CDC14A: variants seen among roughly 807,000 people sequenced by gnomAD.
The protein encoded by CDC14A is dual specificity protein phosphatase CDC14A.
Under a neutral mutation model 74.4 loss-of-function variants are expected in CDC14A, and 53 were observed. The observed-to-expected ratio is 0.71, with a 90% CI of 0.57 to 0.89. CDC14A has a LOEUF of 0.89. Ranked by LOEUF, CDC14A falls within the 40% of genes least tolerant of loss-of-function variation. The probability of loss-of-function intolerance (pLI) is 0.00; values close to 1 mark genes in which losing one functional copy is unlikely to be tolerated. For missense variants in CDC14A, 646 were observed against 713.7 expected, an observed-to-expected ratio of 0.91 and a Z score of 1.08; for synonymous variants, 247 against 258.4, an observed-to-expected ratio of 0.96 and a Z score of 0.43.
At chr1:100,487,229 A>G (rs917261505) in intron 11 of CDC14A, among the ~76,000 whole-genome samples, 112 of 152,218 alleles carry the variant, frequency 7.4e-4, no homozygotes, top group African/African-American at 2.6e-3. Flanking sequence ...ATTAGTTACT[A>G]GGAAGCTCTG....
At chr1:100,438,894 G>A (rs1664620692) in intron 5 of CDC14A, among the ~76,000 whole-genome samples, 1 of 152,170 alleles carries the variant, frequency 6.6e-6, no homozygotes, top group African/African-American at 2.4e-5. Context: ...CCTGATGGCT[G>A]CCATATGTGC....
At chr1:100,490,104 C>T (rs1670466760) in intron 11 of CDC14A, among the ~76,000 whole-genome samples, 1 of 152,202 alleles carries the variant, frequency 6.6e-6, no homozygotes, top group African/African-American at 2.4e-5. Context: ...ATTTGTGCCA[C>T]ACAATATCTG....
chr1:100,416,718 G>T (rs1339036117), intron 4 of CDC14A, among the ~76,000 whole-genome samples: 1 of 152,098 alleles, frequency 6.6e-6, no homozygotes, highest in Admixed American at 6.5e-5. Flanking sequence ...TCTCCTTTTT[G>T]TTGTCCCTTG....
chr1:100,414,056 T>C (rs1661208236), intron 4 of CDC14A, among the ~76,000 whole-genome samples: 1 of 152,222 alleles, frequency 6.6e-6, no homozygotes, highest in South Asian at 2.1e-4. Flanking sequence ...TCTACTACAT[T>C]TTATTTTAGA....
intron 4 of CDC14A, chr1:100,393,466 A>G: frequency 5.2e-6 from 4 of 774,140 alleles, no homozygotes; most frequent in Non-Finnish European, 9.6e-6. Context: ...ATACTGAGCA[A>G]TTCAGTTGGT....
At chr1:100,445,461 A>C (rs1252663499) in intron 7 of CDC14A, among the ~76,000 whole-genome samples, 2 of 152,214 alleles carry the variant, frequency 1.3e-5, no homozygotes, top group African/African-American at 4.8e-5. Flanking sequence ...TGAAGAATGC[A>C]AATGGCCCAT....
chr1:100,373,418 A>G (rs1371513106), intron 2 of CDC14A, among the ~76,000 whole-genome samples: 2 of 152,244 alleles, frequency 1.3e-5, no homozygotes, highest in African/African-American at 4.8e-5. Context: ...AACAGATACA[A>G]TAATAATGAA....
chr1:100,504,305 T>C (rs905906650), intron 15 of CDC14A, among the ~76,000 whole-genome samples: 3 of 152,220 alleles, frequency 2.0e-5, no homozygotes, highest in Non-Finnish European at 2.9e-5. Context: ...TTGTAGGTAA[T>C]GTCAGTGGTG....
At chr1:100,425,210 C>T (rs577246617) in intron 5 of CDC14A, among the ~76,000 whole-genome samples, 3 of 152,216 alleles carry the variant, frequency 2.0e-5, no homozygotes, top group Non-Finnish European at 2.9e-5. Flanking sequence ...AGGGACCATA[C>T]ATCAAAACTC....
intron 9 of CDC14A, among the ~76,000 whole-genome samples, 156 bp from the exon 10 acceptor site, chr1:100,467,800 A>T (rs1667996378): frequency 6.6e-6 from 1 of 152,206 alleles, no homozygotes; most frequent in Non-Finnish European, 1.5e-5. Flanking sequence ...TTTAAAGAAA[A>T]ATTGGGTTTT....
At chr1:100,505,764 G>A (rs993059031) in intron 15 of CDC14A, among the ~76,000 whole-genome samples, 7 of 152,032 alleles carry the variant, frequency 4.6e-5, no homozygotes, top group Admixed American at 1.3e-4. Flanking sequence ...TGCTTTTGTC[G>A]CTATTAAGAA....
intron 4 of CDC14A, among the ~76,000 whole-genome samples, chr1:100,423,144 T>C (rs973745879): frequency 6.6e-6 from 1 of 152,208 alleles, no homozygotes; most frequent in African/African-American, 2.4e-5. Flanking sequence ...CAGTGGTTTG[T>C]ATTGCTCTTC....
intron 4 of CDC14A, among the ~76,000 whole-genome samples, chr1:100,409,809 T>C (rs1425755192): frequency 6.6e-6 from 1 of 152,226 alleles, no homozygotes; most frequent in Non-Finnish European, 1.5e-5. Context: ...TGTAGGAATA[T>C]GTGATAACTC....
Position 100,390,923 on chromosome 1 carries a change from C to T in CDC14A, c.309+99C>T, listed in dbSNP as rs28361213. On this transcript the variant is annotated intron_variant, in intron 4 of 15. Coordinates refer to ENST00000336454, the MANE Select transcript of CDC14A (RefSeq NM_003672.4). The stretch of plus-strand genomic sequence containing the variant: ...CCAGTTTTTCAGTGGGATTGAGAGA[C>T]GGTGGAGATTATTAGCAGTTTGGGA... 107,941 of 808,106 alleles carry T rather than the reference C, an allele frequency of 0.13. 8,349 individuals are homozygous for T. Among genetic ancestry groups the T allele is most frequent in the Non-Finnish European group, 0.16 (73,933 of 473,012 alleles). 50.1% of individuals were successfully genotyped at this position (808,106 alleles called of 1,614,324 possible). A position where few individuals can be genotyped will look rare whatever the true frequency, so the allele number is the denominator to read the frequency against.
At chr1:100,415,642 G>A (rs532695165) in intron 4 of CDC14A, among the ~76,000 whole-genome samples, 12 of 152,312 alleles carry the variant, frequency 7.9e-5, no homozygotes, top group African/African-American at 1.2e-4. Flanking sequence ...ACCAAAGACT[G>A]TAGGAAACAA....
upstream of CDC14A, among the ~76,000 whole-genome samples, chr1:100,352,013 C>CGCGCGA (rs1651091216): frequency 6.6e-6 from 1 of 151,386 alleles, no homozygotes; most frequent in South Asian, 2.1e-4. Flanking sequence ...TGCGCGCGCG[C>CGCGCGA]GCGCCCTACA....
At chr1:100,412,726 TA>T (rs1660965039) in intron 4 of CDC14A, among the ~76,000 whole-genome samples, 1 of 80,236 alleles carries the variant, frequency 1.2e-5, no homozygotes, top group Admixed American at 1.2e-4. Context: ...ATATATATTT[TA>T]TATATATATA....
At chr1:100,427,578 A>T (rs1663106314) in intron 5 of CDC14A, among the ~76,000 whole-genome samples, 1 of 152,176 alleles carries the variant, frequency 6.6e-6, no homozygotes, top group Non-Finnish European at 1.5e-5. Flanking sequence ...AAGGCTACAT[A>T]CAACGTTAAA....
intron 8 of CDC14A, among the ~76,000 whole-genome samples, chr1:100,459,669 C>T (rs1279713212): frequency 1.3e-5 from 2 of 152,138 alleles, no homozygotes; most frequent in Non-Finnish European, 2.9e-5. Flanking sequence ...GTCAGCTTAA[C>T]TCCAGGACTT....
Sources: gnomAD v4.1 joint callset for allele counts (sites outside exome capture counted in the v4.1 genomes callset) on GRCh38, gnomAD v4.1.1 for gene constraint, MANE v1.5 for transcripts, NCBI Gene and HGNC (gene_info 2026-07-23, HGNC 2026-07-21) for gene names.